The following ABCA13 variants were observed in gnomAD, a reference collection of about 807,000 sequenced individuals.
The protein encoded by ABCA13 is ATP binding cassette subfamily A member 13.
In ABCA13, 476 loss-of-function variants were observed where a neutral mutation model predicts 478.7. The observed-to-expected ratio is 0.99, with a 90% CI of 0.92 to 1.07. The LOEUF (loss-of-function observed/expected upper bound fraction) is 1.07. Ranked by LOEUF, ABCA13 falls within the 50% of genes least tolerant of loss-of-function variation. The pLI is 0.00. For synonymous variants in ABCA13, 2,252 were observed against 2,158.9 expected (o/e 1.04, Z -1.20); for missense variants, 6,060 against 5,910.6 (o/e 1.03, Z -0.83).
intron 29 of ABCA13, among the ~76,000 whole-genome samples, chr7:48,346,150 G>A (rs141639111): frequency 2.6e-5 from 4 of 152,196 alleles, no homozygotes; most frequent in African/African-American, 9.6e-5. Context: ...ATTGCCTAAT[G>A]CTGCCTTTTT....
chr7:48,273,998 A>G lies in ABCA13; in HGVS notation c.4332A>G (p.Ile1444Met), dbSNP rs1795964030. 5.0e-6 allele frequency: 8 copies of G among 1,607,546 alleles called. No homozygotes were observed. Among genetic ancestry groups the G allele is most frequent in the Non-Finnish European group, 6.8e-6 (8 of 1,175,626 alleles). The change falls in exon 17 of 62, where the codon ATA becomes ATG. Residue 1444 changes from isoleucine (I) to methionine (M), a missense_variant. Physicochemically the swap from Ile to Met is conservative, Grantham distance 10. Coordinates refer to ENST00000435803, the MANE Select transcript of ABCA13 (RefSeq NM_152701.5). ...ILKIVTWVLN[I>M]KKPLCSSNGS... ...AAATTGTAACTTGGGTGTTAAATAT[A>G]AAAAAACCTCTTTGTTCATCAAATG...
chr7:48,623,020 C>G (rs1369466384), intron 59 of ABCA13, among the ~76,000 whole-genome samples: 1 of 152,136 alleles, frequency 6.6e-6, no homozygotes, highest in Non-Finnish European at 1.5e-5. Flanking sequence ...GGTGGAGCTG[C>G]CTTTCAACTG....
intron 1 of ABCA13, among the ~76,000 whole-genome samples, chr7:48,178,029 TG>T (rs1795120827): frequency 6.6e-6 from 1 of 152,170 alleles, no homozygotes; most frequent in Admixed American, 6.5e-5. Context: ...AACCTCCCTT[TG>T]TATTTTTTTT....
intron 20 of ABCA13, among the ~76,000 whole-genome samples, chr7:48,294,452 T>C (rs1005704954): frequency 6.7e-6 from 1 of 148,432 alleles, no homozygotes; most frequent in African/African-American, 2.5e-5. Flanking sequence ...GTTTTGTTTT[T>C]TTTTTGAGAC....
intron 55 of ABCA13, among the ~76,000 whole-genome samples, chr7:48,537,819 G>C (rs748393064): frequency 1.3e-5 from 2 of 152,090 alleles, no homozygotes; most frequent in Non-Finnish European, 2.9e-5. Flanking sequence ...GGTGACTCAG[G>C]ACTGAGCAGA....
intron 43 of ABCA13, among the ~76,000 whole-genome samples, chr7:48,463,255 G>T (rs191990958): frequency 2.0e-5 from 3 of 152,166 alleles, no homozygotes; most frequent in African/African-American, 7.2e-5. Context: ...TGTTTTGACA[G>T]ATCAGATAAG....
chr7:48,533,758 C>CT (rs530390740), intron 55 of ABCA13, among the ~76,000 whole-genome samples: 177 of 151,700 alleles, frequency 1.2e-3, no homozygotes, highest in African/African-American at 3.9e-3. Context: ...CCTTCTTTAT[C>CT]TTTTTTTTAA....
chr7:48,414,815 T>A (rs1250618508), intron 41 of ABCA13, among the ~76,000 whole-genome samples: 1 of 152,086 alleles, frequency 6.6e-6, no homozygotes, highest in Non-Finnish European at 1.5e-5. Flanking sequence ...GTTTGCCTGG[T>A]TTCCCAAGGA....
At chr7:48,352,867 T>C (rs1053513595) in intron 31 of ABCA13, among the ~76,000 whole-genome samples, 1 of 152,010 alleles carries the variant, frequency 6.6e-6, no homozygotes, top group Non-Finnish European at 1.5e-5. Context: ...TCCTTAGATA[T>C]AGGCTGTATA....
At chr7:48,506,264 A>G (rs1219928730) in intron 48 of ABCA13, 72 bp from the exon 49 acceptor site, 2 of 1,494,732 alleles carry the variant, frequency 1.3e-6, no homozygotes, top group East Asian at 4.5e-5. Context: ...GAATCTGCGT[A>G]GCCTGTAGAT....
At position 48,279,131 on chromosome 7, in the gene ABCA13, A is replaced by C. The variant is rs1409702355; in HGVS notation, c.7937A>C (p.Lys2646Thr). The change falls in exon 18 of 62, where the codon AAA becomes ACA. Residue 2646 changes from lysine to threonine, a missense_variant. Physicochemically the swap from Lys to Thr is moderately conservative, Grantham distance 78. This residue lies in a region of ABCA13 where 4,423 missense variants were observed against 4,309.1 expected (regional missense o/e 1.03). Coordinates refer to ENST00000435803, the MANE Select transcript of ABCA13 (RefSeq NM_152701.5). ...EEIAEFLTSV[K>T]MNLEDMRSLA... is the part of the protein sequence containing the mutation. ...ATTGCTGAATTTTTAACATCTGTGA[A>C]AATGAACTTGGAAGATATGAGGAGT... is the stretch of plus-strand genomic sequence containing the variant. The C allele has an allele frequency of 1.2e-6, 2 of 1,608,958 alleles. No homozygotes were observed. The highest frequency in any genetic ancestry group is 1.7e-6 in the Non-Finnish European group (2 of 1,178,034).
chr7:48,633,919 G>GATAGATAGATAA (rs1794396060), intron 59 of ABCA13, among the ~76,000 whole-genome samples: 1 of 133,650 alleles, frequency 7.5e-6, no homozygotes, highest in East Asian at 2.2e-4. Context: ...TAGATACATA[G>GATAGATAGATAA]ATAGATAGAT....
intron 55 of ABCA13, among the ~76,000 whole-genome samples, chr7:48,529,099 T>C (rs1295255367): frequency 1.3e-5 from 2 of 152,198 alleles, no homozygotes; most frequent in African/African-American, 4.8e-5. Flanking sequence ...TCTGCACCTG[T>C]GTGGTAGTGT....
intron 15 of ABCA13, among the ~76,000 whole-genome samples, chr7:48,251,620 T>A (rs1792571446): frequency 6.6e-6 from 1 of 152,092 alleles, no homozygotes; most frequent in African/African-American, 2.4e-5. Context: ...GAAATATAAC[T>A]AGTCTTATTA....
intron 48 of ABCA13, among the ~76,000 whole-genome samples, chr7:48,505,317 T>G (rs1831104210): frequency 6.6e-6 from 1 of 152,204 alleles, no homozygotes; most frequent in Admixed American, 6.5e-5. Context: ...TTTGGAGCAC[T>G]GTAGCCTGTT....
At chr7:48,555,375 C>T (rs1585793601) in intron 55 of ABCA13, among the ~76,000 whole-genome samples, 1 of 151,846 alleles carries the variant, frequency 6.6e-6, no homozygotes, top group East Asian at 1.9e-4. Flanking sequence ...CTCTCCTCTT[C>T]TACTTTTCAG....
At chr7:48,254,411 A>G (rs1249254043) in intron 15 of ABCA13, among the ~76,000 whole-genome samples, 2 of 152,110 alleles carry the variant, frequency 1.3e-5, no homozygotes, top group African/African-American at 2.4e-5. Flanking sequence ...CAACAGGCTT[A>G]TACCACCATT....
chr7:48,276,989 C>T (rs1796388691), intron 17 of ABCA13, among the ~76,000 whole-genome samples: 1 of 152,142 alleles, frequency 6.6e-6, no homozygotes, highest in African/African-American at 2.4e-5. Flanking sequence ...CATTTAGAGA[C>T]ATAAAAATTG....
At chr7:48,324,984 A>C (rs1437108788) in intron 27 of ABCA13, among the ~76,000 whole-genome samples, 1 of 152,208 alleles carries the variant, frequency 6.6e-6, no homozygotes, top group Admixed American at 6.5e-5. Context: ...TTTTCCCTAA[A>C]AATTGAGCTA....
Sources: gnomAD v4.1 joint callset for allele counts (sites outside exome capture counted in the v4.1 genomes callset) on GRCh38, gnomAD v4.1.1 for gene constraint, gnomAD v4.1.1 regional missense constraint, MANE v1.5 for transcripts, NCBI Gene and HGNC (gene_info 2026-07-23, HGNC 2026-07-21) for gene names.